The following NAALADL2 variants were observed in gnomAD, a reference collection of about 807,000 sequenced individuals.
The protein encoded by NAALADL2 is inactive N-acetylated-alpha-linked acidic dipeptidase-like protein 2.
In NAALADL2, 76 loss-of-function variants were observed where a neutral mutation model predicts 87.2. That is an observed-to-expected ratio of 0.87 (90% CI 0.72 to 1.05). NAALADL2 has a LOEUF of 1.05. NAALADL2 is among the 50% of genes least tolerant of loss of function. The pLI, the probability that NAALADL2 is intolerant of heterozygous loss-of-function variation, is 0.00. For missense variants in NAALADL2, 1,089 were observed against 945.8 expected (o/e 1.15, Z -1.99); for synonymous variants, 354 against 331.0 (o/e 1.07, Z -0.75).
chr3:174,644,932 T>C (rs1305536242), intron 2 of NAALADL2, among the ~76,000 whole-genome samples: 4 of 152,226 alleles, frequency 2.6e-5, no homozygotes, highest in Admixed American at 1.3e-4. Context: ...AAGAGCATGA[T>C]GCGATACCTG....
chr3:174,471,417 A>C (rs1010248776), intron 1 of NAALADL2, among the ~76,000 whole-genome samples: 1 of 152,110 alleles, frequency 6.6e-6, no homozygotes, highest in African/African-American at 2.4e-5. Flanking sequence ...ATCCTCACGC[A>C]TGGTACTAGA....
intron 1 of NAALADL2, among the ~76,000 whole-genome samples, chr3:174,999,774 A>G (rs545397510): frequency 6.6e-6 from 1 of 152,310 alleles, no homozygotes; most frequent in South Asian, 2.1e-4. Context: ...ATTTTTCAAT[A>G]TTAAAGTTAT....
chr3:174,707,921 A>G (rs983193262), intron 2 of NAALADL2, among the ~76,000 whole-genome samples: 7 of 152,220 alleles, frequency 4.6e-5, no homozygotes, highest in African/African-American at 1.7e-4. Flanking sequence ...GTATGTATTT[A>G]TAGACATAAA....
intron 2 of NAALADL2, among the ~76,000 whole-genome samples, chr3:175,137,116 CTCTT>C (rs1361306685): frequency 6.6e-6 from 1 of 152,074 alleles, no homozygotes; most frequent in Non-Finnish European, 1.5e-5. Context: ...TTAAGCTTGT[CTCTT>C]TCTTTTATAC....
chr3:174,948,836 T>C (rs1739886313), intron 1 of NAALADL2, among the ~76,000 whole-genome samples: 2 of 152,174 alleles, frequency 1.3e-5, no homozygotes, highest in African/African-American at 4.8e-5. Flanking sequence ...CTTACTGTCT[T>C]AGTTCTTTCA....
chr3:174,800,449 G>A lies in NAALADL2; in HGVS notation c.-9+62703G>A, dbSNP rs1412001817. On this transcript the variant is annotated intron_variant, in intron 3 of 3. Coordinates refer to the NAALADL2 transcript ENST00000434257. ...AGGTGCACAGAAGTCACGAATTGGG[G>A]TTTGGGAACCTCCACCTAGATTTCA... 6.8e-4 allele frequency among the ~76,000 whole-genome samples: 103 copies of A among 152,290 alleles called. 1 individual carries two copies. Among genetic ancestry groups the A allele is most frequent in the Admixed American group, 4.4e-3 (68 of 15,290 alleles).
At chr3:174,685,844 G>A (rs1483900634) in intron 2 of NAALADL2, among the ~76,000 whole-genome samples, 2 of 123,448 alleles carry the variant, frequency 1.6e-5, no homozygotes, top group Non-Finnish European at 3.2e-5. Context: ...TCCATAGGCC[G>A]CAGTGTGTGT....
Position 175,105,642 on chromosome 3 carries a change from G to GACACACAC in NAALADL2, c.545+8385_545+8392dup, listed in dbSNP as rs57274941. 3.5e-4 allele frequency among the ~76,000 whole-genome samples: 51 copies of GACACACAC among 144,630 alleles called. 1 individual carries two copies. The highest frequency in any genetic ancestry group is 1.2e-3 in the African/African-American group (47 of 39,682). 94.9% of individuals were successfully genotyped at this position (144,630 alleles called of 152,430 possible). The stretch of plus-strand genomic sequence containing the variant: ...AGCAAGATATTTGAGAATACACACA[G>GACACACAC]ACACACACACACACACACACACACA... On this transcript the variant is annotated intron_variant, in intron 2 of 13. Coordinates refer to ENST00000454872, the MANE Select transcript of NAALADL2 (RefSeq NM_207015.3).
At chr3:174,797,155 A>G (rs1400488632) in intron 3 of NAALADL2, among the ~76,000 whole-genome samples, 9 of 152,054 alleles carry the variant, frequency 5.9e-5, no homozygotes, top group African/African-American at 2.2e-4. Flanking sequence ...ATAAGGGTTC[A>G]GTTTCATTCT....
chr3:174,911,664 T>C (rs1160280037), intron 1 of NAALADL2, among the ~76,000 whole-genome samples: 1 of 152,070 alleles, frequency 6.6e-6, no homozygotes, highest in African/African-American at 2.4e-5. Context: ...GCTAAGCTAC[T>C]TCAATTTGGG....
intron 10 of NAALADL2, among the ~76,000 whole-genome samples, chr3:175,594,260 T>C (rs1171178278): frequency 6.6e-6 from 1 of 152,184 alleles, no homozygotes; most frequent in Admixed American, 6.5e-5. Flanking sequence ...TTTGGTTTTC[T>C]GTTCCTGCAT....
chr3:174,632,665 G>T (rs549776326), intron 2 of NAALADL2, among the ~76,000 whole-genome samples: 1 of 152,266 alleles, frequency 6.6e-6, no homozygotes, highest in East Asian at 1.9e-4. Flanking sequence ...GCTGGGTGCA[G>T]TGGCTCATGC....
intron 2 of NAALADL2, among the ~76,000 whole-genome samples, chr3:174,665,573 C>A (rs1212379370): frequency 6.6e-6 from 1 of 152,114 alleles, no homozygotes; most frequent in Non-Finnish European, 1.5e-5. Context: ...AATATCACTG[C>A]AAGTAATCAT....
chr3:175,109,367 A>T (rs950110634), intron 2 of NAALADL2, among the ~76,000 whole-genome samples: 1 of 151,884 alleles, frequency 6.6e-6, no homozygotes, highest in Admixed American at 6.6e-5. Context: ...TTGAGGTCCT[A>T]GTGAGTGATG....
At chr3:175,609,999 G>T (rs1724391789) in intron 10 of NAALADL2, among the ~76,000 whole-genome samples, 1 of 151,998 alleles carries the variant, frequency 6.6e-6, no homozygotes, top group Non-Finnish European at 1.5e-5. Context: ...AAAAAAAAAG[G>T]AATTTACCTA....
chr3:174,889,506 G>A (rs1215137655), intron 1 of NAALADL2, among the ~76,000 whole-genome samples: 1 of 151,956 alleles, frequency 6.6e-6, no homozygotes, highest in African/African-American at 2.4e-5. Context: ...TTCACTGTCT[G>A]CCCTGTGTGT....
chr3:175,357,747 C>T (rs1418952640), intron 5 of NAALADL2, among the ~76,000 whole-genome samples: 1 of 152,148 alleles, frequency 6.6e-6, no homozygotes, highest in Non-Finnish European at 1.5e-5. Flanking sequence ...AAATTGATAA[C>T]TTTGTGGCTA....
chr3:174,573,461 T>C (rs1375107328), intron 2 of NAALADL2, among the ~76,000 whole-genome samples: 4 of 152,156 alleles, frequency 2.6e-5, no homozygotes, highest in Non-Finnish European at 2.9e-5. Flanking sequence ...GGTGTAAATA[T>C]TCCTACTGTC....
intron 3 of NAALADL2, among the ~76,000 whole-genome samples, chr3:174,845,988 CA>C (rs1333361668): frequency 6.6e-6 from 1 of 152,126 alleles, no homozygotes; most frequent in Non-Finnish European, 1.5e-5. Flanking sequence ...CAGAGTAGAG[CA>C]TACGATGGGG....
Sources: allele counts gnomAD v4.1 joint callset (sites outside exome capture counted in the v4.1 genomes callset), GRCh38; gene constraint gnomAD v4.1.1; transcripts MANE v1.5; gene names NCBI Gene and HGNC (gene_info 2026-07-23, HGNC 2026-07-21).